TCF3: variants seen among roughly 807,000 people sequenced by gnomAD.
TCF3 encodes the protein transcription factor 3, also known as transcription factor E2-alpha.
A neutral mutation model predicts 72.3 loss-of-function variants in TCF3; 54 were observed. The ratio of observed to expected loss-of-function variants is 0.75; its 90% CI spans 0.60 to 0.94. The LOEUF (loss-of-function observed/expected upper bound fraction) is 0.94. TCF3 is among the 40% of genes least tolerant of loss of function. TCF3 has a pLI of 0.00. For synonymous variants in TCF3, 525 were observed against 412.6 expected (o/e 1.27, Z -3.30); for missense variants, 1,078 against 934.4 (o/e 1.15, Z -2.00).
At position 1,625,713 on chromosome 19, in the gene TCF3, T is replaced by C; in HGVS notation, c.367-5A>G. Reference sequence around the variant, plus strand: ...CTCGCCTGACAGGAAGCCAGCCTGGTGGGGAGCGGATGGTCAGAAAGCGCC... The same window carrying C: ...CTCGCCTGACAGGAAGCCAGCCTGGCGGGGAGCGGATGGTCAGAAAGCGCC... On this transcript the variant is annotated splice_region_variant and splice_polypyrimidine_tract_variant and intron_variant, in intron 6 of 18. Transcript: ENST00000262965. 1 of 1,499,582 alleles carries C rather than the reference T, an allele frequency of 6.7e-7. No individual in the cohort carries two copies. Among genetic ancestry groups the C allele is most frequent in the Non-Finnish European group, 8.8e-7 (1 of 1,130,346 alleles). 92.9% of individuals were successfully genotyped at this position (1,499,582 alleles called of 1,614,324 possible).
At chr19:1,624,700 C>G (rs752476639) in intron 7 of TCF3, among the ~76,000 whole-genome samples, 2 of 152,212 alleles carry the variant, frequency 1.3e-5, no homozygotes, top group Non-Finnish European at 2.9e-5. Flanking sequence ...CACTCACGGA[C>G]GTGCGCACAG....
intron 3 of TCF3, among the ~76,000 whole-genome samples, chr19:1,642,135 C>T (rs1375995268): frequency 8.0e-6 from 1 of 124,272 alleles, no homozygotes; most frequent in Non-Finnish European, 1.8e-5. Context: ...GAACTACACA[C>T]ACACACACAC....
At chr19:1,648,378 C>A (rs533509291) in intron 2 of TCF3, among the ~76,000 whole-genome samples, 4 of 152,310 alleles carry the variant, frequency 2.6e-5, no homozygotes, top group East Asian at 3.9e-4. Context: ...AGAGGACGGG[C>A]ACCTCGCCGC....
chr19:1,632,413 C>A lies in TCF3; in HGVS notation c.146-8G>T. ...TGGGCCGGTCCTCAAGACCTGCAGG[C>A]AGGACAGAGAGAGTTATGGGTCACC... On this transcript the variant is annotated splice_polypyrimidine_tract_variant and splice_region_variant and intron_variant, in intron 3 of 18. Transcript: ENST00000262965. 6.3e-7 allele frequency: 1 copy of A among 1,588,002 alleles called. No homozygotes were observed. The highest frequency in any genetic ancestry group is 8.6e-7 in the Non-Finnish European group (1 of 1,167,460).
chr19:1,621,782 C>T (rs554515579), intron 11 of TCF3, 56 bp downstream of exon 11: 2 of 1,501,000 alleles, frequency 1.3e-6, no homozygotes, highest in Non-Finnish European at 1.8e-6. Flanking sequence ...CCACCCAGAC[C>T]CTGCCTGGAG....
intron 1 of TCF3, 26 bp from the exon 2 acceptor site, chr19:1,650,313 G>A (rs917558253): frequency 6.1e-6 from 9 of 1,476,124 alleles, no homozygotes; most frequent in South Asian, 1.2e-5. Context: ...GGGGACAGAT[G>A]GACAGGGAGA....
At chr19:1,611,902 TGTGAG>T in intron 18 of TCF3, 53 bp from the exon 19 acceptor site, 1 of 976,186 alleles carries the variant, frequency 1.0e-6, no homozygotes, top group South Asian at 2.5e-5. Flanking sequence ...AGGAGAAAGA[TGTGAG>T]GTGGGAGTGG....
chr19:1,639,627 C>T (rs2064951367), intron 3 of TCF3, among the ~76,000 whole-genome samples: 1 of 152,038 alleles, frequency 6.6e-6, no homozygotes, highest in African/African-American at 2.4e-5. Context: ...TCTGCGTCCT[C>T]CAAACAGTAG....
At chr19:1,647,868 T>C (rs940633539) in intron 2 of TCF3, among the ~76,000 whole-genome samples, 8 of 152,218 alleles carry the variant, frequency 5.3e-5, no homozygotes, top group Non-Finnish European at 1.0e-4. Context: ...TTCTGAGAAA[T>C]GGACCGAGGG....
At chr19:1,626,869 C>T (rs531480811) in intron 6 of TCF3, among the ~76,000 whole-genome samples, 12 of 152,250 alleles carry the variant, frequency 7.9e-5, no homozygotes, top group African/African-American at 2.4e-4. Flanking sequence ...TAGGAGCTGA[C>T]GGCGGGGACA....
At chr19:1,649,351 G>T (rs535779201) in intron 2 of TCF3, among the ~76,000 whole-genome samples, 1 of 152,344 alleles carries the variant, frequency 6.6e-6, no homozygotes, top group East Asian at 1.9e-4. Context: ...GGGGAGTCCC[G>T]TATGGGGCAG....
chr19:1,622,702 T>C (rs2062397178), intron 8 of TCF3, among the ~76,000 whole-genome samples: 1 of 152,066 alleles, frequency 6.6e-6, no homozygotes, highest in Admixed American at 6.5e-5. Flanking sequence ...TACTAAACCT[T>C]TTTCCTCCTT....
rs1443626713 is a variant in TCF3 at position 1,610,519 on chromosome 19, G to T, written c.*1188C>A. ...TGGGTCCCTGGGGCAAAGGAGTGAA[G>T]GACAGGGTGTCCAGGAGGTCCCCAG... On this transcript the variant is annotated 3_prime_UTR_variant, in exon 19 of 19. Coordinates refer to ENST00000262965, the MANE Select transcript of TCF3 (RefSeq NM_003200.5). 4.3e-6 allele frequency: 1 copy of T among 231,676 alleles called. No homozygotes were observed. Among genetic ancestry groups the T allele is most frequent in the Admixed American group, 5.6e-5 (1 of 17,738 alleles). The allele number at this position is 231,676 out of a possible 1,614,324, so 14.4% of individuals were successfully genotyped here. A position where few individuals can be genotyped will look rare whatever the true frequency, so the allele number is the denominator to read the frequency against.
intron 3 of TCF3, 99 bp downstream of exon 3, chr19:1,646,256 C>A: frequency 7.7e-7 from 1 of 1,296,048 alleles, no homozygotes; most frequent in Non-Finnish European, 1.1e-6. Context: ...CCCATTGTCT[C>A]CCTCCTTTGC....
intron 3 of TCF3, 21 bp downstream of exon 3, chr19:1,646,334 G>C (rs994708841): frequency 3.9e-6 from 6 of 1,549,476 alleles, no homozygotes; most frequent in Non-Finnish European, 5.2e-6. Flanking sequence ...CACGAGCGCT[G>C]GCAGGAAGGC....
intron 3 of TCF3, among the ~76,000 whole-genome samples, chr19:1,633,074 C>G (rs1048641739): frequency 4.2e-5 from 6 of 141,606 alleles, no homozygotes; most frequent in African/African-American, 1.5e-4. Flanking sequence ...AGGGACGGGA[C>G]GAGGACCTTG....
At position 1,615,568 on chromosome 19, in the gene TCF3, G is replaced by C. The variant is rs778662797; in HGVS notation, c.1587-48C>G. On this transcript the variant is annotated intron_variant, in intron 17 of 18. Coordinates refer to ENST00000262965, the MANE Select transcript of TCF3 (RefSeq NM_003200.5). This position sits in a 1 kb window ranked among gnomAD's most constrained non-coding sequence, Gnocchi z 7.3. ...GGGCCAGAGGGAGACAGTGAGGTTG[G>C]GGGAAGAGCGTGGGGCCCGCCGACG... 6.2e-7 allele frequency: 1 copy of C among 1,604,784 alleles called. No homozygotes were observed. The highest frequency in any genetic ancestry group is 8.5e-7 in the Non-Finnish European group (1 of 1,179,768).
chr19:1,621,642 TC>T, intron 11 of TCF3, among the ~76,000 whole-genome samples, 195 bp downstream of exon 11: 2 of 152,240 alleles, frequency 1.3e-5, no homozygotes, highest in Admixed American at 1.3e-4. Context: ...TCCTCAAAGA[TC>T]TGTTTCCAGA....
In TCF3 at chr19:1,609,514, CT is replaced by C. The variant is rs562682379; in HGVS notation, c.*2192del. The C allele has an allele frequency of 9.6e-6, 2 of 208,188 alleles. No homozygotes were observed. Among genetic ancestry groups the C allele is most frequent in the Non-Finnish European group, 1.9e-5 (2 of 102,568 alleles). The allele number at this position is 208,188 out of a possible 1,614,324, so 12.9% of individuals were successfully genotyped here. A position where few individuals can be genotyped will look rare whatever the true frequency, so the allele number is the denominator to read the frequency against. On this transcript the variant is annotated 3_prime_UTR_variant, in exon 19 of 19. Transcript: ENST00000262965. ...TTGTGGTTCCCAGGAACTGCTGTTT[CT>C]TCCTCCTCGCGCTGGGTGAATCTCG...
Sources: allele counts gnomAD v4.1 joint callset (sites outside exome capture counted in the v4.1 genomes callset), GRCh38; gene constraint gnomAD v4.1.1; non-coding constraint Gnocchi (gnomAD v3.1); transcripts MANE v1.5; gene names NCBI Gene and HGNC (gene_info 2026-07-23, HGNC 2026-07-21).